RAD51B: variants seen among roughly 807,000 people sequenced by gnomAD.
The protein encoded by RAD51B is DNA repair protein RAD51 homolog 2.
RAD51B carries 38 observed loss-of-function variants against 42.2 expected under a neutral mutation model. The observed-to-expected ratio is 0.90, with a 90% confidence interval of 0.70 to 1.18. RAD51B has a LOEUF of 1.18. Among genes scored for constraint, RAD51B ranks in the 50% most tolerant of loss-of-function variants. The pLI, the probability that RAD51B is intolerant of heterozygous loss-of-function variation, is 0.00. For synonymous variants in RAD51B, 154 were observed against 145.2 expected, an observed-to-expected ratio of 1.06 and a Z score of -0.43; for missense variants, 373 against 400.7, an observed-to-expected ratio of 0.93 and a Z score of 0.59.
intron 7 of RAD51B, among the ~76,000 whole-genome samples, chr14:68,029,760 GTT>G (rs1433216347): frequency 6.6e-6 from 1 of 152,152 alleles, no homozygotes; most frequent in Non-Finnish European, 1.5e-5. Flanking sequence ...TTCCCAGAAA[GTT>G]TTCAATTTGC....
intron 7 of RAD51B, among the ~76,000 whole-genome samples, chr14:68,235,747 C>T (rs1456283477): frequency 2.0e-5 from 3 of 147,084 alleles, no homozygotes; most frequent in Admixed American, 2.0e-4. Flanking sequence ...TGAGATCTTA[C>T]CTGCGTGCAT....
At chr14:68,087,609 C>T (rs1210589657) in intron 7 of RAD51B, among the ~76,000 whole-genome samples, 2 of 151,544 alleles carry the variant, frequency 1.3e-5, no homozygotes, top group African/African-American at 4.8e-5. Context: ...AATCTGGCTC[C>T]ATCGGTGATT....
chr14:68,136,298 G>A (rs1460317551), intron 7 of RAD51B, among the ~76,000 whole-genome samples: 9 of 152,054 alleles, frequency 5.9e-5, no homozygotes, highest in South Asian at 2.1e-4. Flanking sequence ...GGATCAGGCC[G>A]GGCACAGTGG....
At chr14:68,248,065 C>T (rs760912748) in intron 7 of RAD51B, among the ~76,000 whole-genome samples, 3 of 152,190 alleles carry the variant, frequency 2.0e-5, no homozygotes, top group South Asian at 2.1e-4. Context: ...ACCAGCACAG[C>T]GAGGAAGCTA....
intron 9 of RAD51B, among the ~76,000 whole-genome samples, chr14:68,443,366 C>G (rs2085346750): frequency 6.6e-6 from 1 of 152,100 alleles, no homozygotes; most frequent in Non-Finnish European, 1.5e-5. Flanking sequence ...ACGAATAGGT[C>G]TGTTTGGGTG....
chr14:68,572,985 G>A (rs1046630403), intron 10 of RAD51B, among the ~76,000 whole-genome samples: 2 of 152,150 alleles, frequency 1.3e-5, no homozygotes, highest in Non-Finnish European at 2.9e-5. Flanking sequence ...TACCAAGGGT[G>A]CCACAGGTCA....
intron 10 of RAD51B, among the ~76,000 whole-genome samples, chr14:68,574,728 C>T (rs537552995): frequency 6.6e-4 from 101 of 152,356 alleles, no homozygotes; most frequent in African/African-American, 2.4e-3. Context: ...CATGTGTCCC[C>T]ATCACCCTTC....
rs1046627086 is a variant in RAD51B at position 68,203,046 on chromosome 14, C to G, written c.757-88838C>G. 2.6e-5 allele frequency among the ~76,000 whole-genome samples: 4 copies of G among 152,130 alleles called. No individual in the cohort carries two copies. In the South Asian group the frequency reaches 8.3e-4, roughly 32 times the overall value. On this transcript the variant is annotated intron_variant, in intron 7 of 10. Transcript: ENST00000471583. ...CATCCCTGAGGGTTGGAATCAGTTT[C>G]TTTAAAACTCCTGTTTATGCTGATA...
chr14:68,459,521 T>C (rs2085789567), intron 9 of RAD51B, among the ~76,000 whole-genome samples: 1 of 152,210 alleles, frequency 6.6e-6, no homozygotes, highest in South Asian at 2.1e-4. Flanking sequence ...GTCAGTGGGC[T>C]TCCTCCCTAA....
intron 10 of RAD51B, among the ~76,000 whole-genome samples, chr14:68,590,118 G>T (rs1168749521): frequency 6.6e-6 from 1 of 152,194 alleles, no homozygotes; most frequent in East Asian, 1.9e-4. Flanking sequence ...GCCGACTGGG[G>T]TGTCACCCAG....
intron 7 of RAD51B, among the ~76,000 whole-genome samples, chr14:68,255,965 G>GT (rs2080746243): frequency 2.6e-5 from 4 of 152,278 alleles, no homozygotes; most frequent in Admixed American, 2.6e-4. Flanking sequence ...TTAATGCCCT[G>GT]TAAGTTTGCC....
chr14:68,131,024 C>G (rs1041747490), intron 7 of RAD51B, among the ~76,000 whole-genome samples: 4 of 152,118 alleles, frequency 2.6e-5, no homozygotes, highest in African/African-American at 4.8e-5. Context: ...AATTATGTGA[C>G]TCAAATATCC....
chr14:68,022,544 A>G (rs1241375524), intron 7 of RAD51B, among the ~76,000 whole-genome samples: 1 of 152,046 alleles, frequency 6.6e-6, no homozygotes, highest in Non-Finnish European at 1.5e-5. Context: ...AGCCATTCTG[A>G]CTGGTGTGAG....
In RAD51B at chr14:68,315,392, A is replaced by T. The variant is rs546386932; in HGVS notation, c.853+23412A>T. 5.2e-5 allele frequency among the ~76,000 whole-genome samples: 8 copies of T among 152,386 alleles called. No individual in the cohort carries two copies. In the East Asian group the frequency reaches 1.5e-3, roughly 29 times the overall value. ...GCAAAAGGCCCCATGTTGGGCCAGC[A>T]CAACAGTCTTTGCATGTATTGCTCC... On this transcript the variant is annotated intron_variant, in intron 8 of 10. Coordinates refer to ENST00000471583, the MANE Select transcript of RAD51B (RefSeq NM_133510.4).
intron 7 of RAD51B, among the ~76,000 whole-genome samples, chr14:68,089,847 T>A (rs1249135241): frequency 5.9e-5 from 9 of 152,178 alleles, no homozygotes. Flanking sequence ...TGTGGGCTTT[T>A]ATGCCCTAAA....
In RAD51B at chr14:67,865,144, G is replaced by T. The variant is rs1250428591; in HGVS notation, c.452+5G>T. 6 of 1,586,294 alleles carry T rather than the reference G, an allele frequency of 3.8e-6. No individual in the cohort carries two copies. The highest frequency in any genetic ancestry group is 5.1e-6 in the Non-Finnish European group (6 of 1,168,892). On this transcript the variant is annotated splice_donor_5th_base_variant and intron_variant, in intron 5 of 10. Coordinates refer to ENST00000471583, the MANE Select transcript of RAD51B (RefSeq NM_133510.4). ...GTCTGCATTTAGTGCTGAAAGGTAT[G>T]AGATTTTATTTTCTATTATAATGTT...
intron 10 of RAD51B, among the ~76,000 whole-genome samples, chr14:68,610,311 C>G (rs541411505): frequency 1.1e-4 from 17 of 152,192 alleles, no homozygotes; most frequent in African/African-American, 4.1e-4. Flanking sequence ...TTTCAGATCC[C>G]TCCCACTCCG....
At chr14:68,213,972 G>C (rs1034622164) in intron 7 of RAD51B, among the ~76,000 whole-genome samples, 14 of 152,178 alleles carry the variant, frequency 9.2e-5, no homozygotes, top group African/African-American at 3.1e-4. Context: ...CTGGCATCAG[G>C]TTGATGGAGA....
chr14:68,651,777 AG>A (rs1024473113), intron 11 of RAD51B, among the ~76,000 whole-genome samples: 1 of 152,128 alleles, frequency 6.6e-6, no homozygotes, highest in Non-Finnish European at 1.5e-5. Context: ...AGCTGGAGAG[AG>A]GCCTCGGCAA....
Sources: gnomAD v4.1 joint callset for allele counts (sites outside exome capture counted in the v4.1 genomes callset) on GRCh38, gnomAD v4.1.1 for gene constraint, MANE v1.5 for transcripts, NCBI Gene and HGNC (gene_info 2026-07-23, HGNC 2026-07-21) for gene names.